TMEM260: variants seen among roughly 807,000 people sequenced by gnomAD.
TMEM260 encodes the protein transmembrane protein 260.
A neutral mutation model predicts 88.9 loss-of-function variants in TMEM260; 82 were observed. That is an observed-to-expected ratio of 0.92 (90% CI 0.77 to 1.11). The LOEUF is 1.11. TMEM260 is among the 50% of genes least tolerant of loss of function. The pLI, the probability that TMEM260 is intolerant of heterozygous loss-of-function variation, is 0.00. For missense variants in TMEM260, 902 were observed against 853.4 expected, an observed-to-expected ratio of 1.06 and a Z score of -0.71; for synonymous variants, 314 against 309.3, an observed-to-expected ratio of 1.02 and a Z score of -0.16.
chr14:56,630,042 G>GA (rs57944362), intron 12 of TMEM260, among the ~76,000 whole-genome samples: 7,877 of 133,038 alleles, frequency 0.059, 523 homozygotes, highest in African/African-American at 0.16. Context: ...CCCTATCTCA[G>GA]AAAAAAAAAA....
chr14:56,635,308 A>AT (rs927099698), intron 14 of TMEM260, among the ~76,000 whole-genome samples: 4 of 152,318 alleles, frequency 2.6e-5, no homozygotes, highest in East Asian at 1.9e-4. Flanking sequence ...GAAATTAATC[A>AT]TTACAACCTC....
chr14:56,634,089 T>TATCA (rs1310666974), intron 13 of TMEM260, among the ~76,000 whole-genome samples: 5 of 152,346 alleles, frequency 3.3e-5, no homozygotes, highest in African/African-American at 1.2e-4. Context: ...ATCCCCATTC[T>TATCA]ATCAAATATA....
At chr14:56,653,745 A>AAAAAAACAACAAC (rs1555343570), downstream of TMEM260, among the ~76,000 whole-genome samples, 36 of 137,448 alleles carry the variant, frequency 2.6e-4, no homozygotes, top group East Asian at 3.1e-3. Context: ...CCAAAACAAA[A>AAAAAAACAACAAC]AAAAAAAAAA....
intron 6 of TMEM260, among the ~76,000 whole-genome samples, chr14:56,610,070 A>G (rs1240540979): frequency 6.6e-6 from 1 of 152,180 alleles, no homozygotes; most frequent in Non-Finnish European, 1.5e-5. Flanking sequence ...GGGTACATAC[A>G]AAAGTAGTAG....
intron 3 of TMEM260, among the ~76,000 whole-genome samples, chr14:56,586,197 C>A (rs1476935677): frequency 6.6e-6 from 1 of 152,046 alleles, no homozygotes; most frequent in Non-Finnish European, 1.5e-5. Context: ...GCAGATGGGC[C>A]AGTTTAATTC....
intron 12 of TMEM260, among the ~76,000 whole-genome samples, chr14:56,627,638 G>C (rs1170572811): frequency 6.6e-6 from 1 of 151,684 alleles, no homozygotes; most frequent in African/African-American, 2.4e-5. Flanking sequence ...TTATTTAAAG[G>C]CATGTGATAG....
chr14:56,638,494 G>T (rs1463978431), intron 15 of TMEM260, among the ~76,000 whole-genome samples: 3 of 152,162 alleles, frequency 2.0e-5, no homozygotes, highest in African/African-American at 7.2e-5. Flanking sequence ...TCTATGGTCA[G>T]TTGTTTGTTA....
chr14:56,618,579 A>T lies in TMEM260; in HGVS notation c.1057-15A>T. 6.2e-7 allele frequency: 1 copy of T among 1,612,592 alleles called. No individual in the cohort carries two copies. Among genetic ancestry groups the T allele is most frequent in the Non-Finnish European group, 8.5e-7 (1 of 1,179,456 alleles). The stretch of plus-strand genomic sequence containing the variant: ...ATAGTCAACTGGACCCACTGGTTGC[A>T]TGTCTCTTTCACAGGTGGAACGATT... On this transcript the variant is annotated splice_polypyrimidine_tract_variant and intron_variant, in intron 9 of 15. Coordinates refer to ENST00000261556, the MANE Select transcript of TMEM260 (RefSeq NM_017799.4).
intron 5 of TMEM260, among the ~76,000 whole-genome samples, chr14:56,608,180 C>T (rs1594840136): frequency 6.6e-6 from 1 of 152,130 alleles, no homozygotes; most frequent in Non-Finnish European, 1.5e-5. Context: ...AAAATGCTAA[C>T]ATAAATCAAC....
chr14:56,591,326 TA>T (rs1287201756), intron 3 of TMEM260, among the ~76,000 whole-genome samples: 9 of 152,216 alleles, frequency 5.9e-5, no homozygotes, highest in Non-Finnish European at 7.4e-5. Flanking sequence ...ATACACTAAA[TA>T]ACTTTGCATA....
In TMEM260 at chr14:56,609,360, A is replaced by G. The variant is rs548756036; in HGVS notation, c.816+75A>G. The G allele has an allele frequency of 4.0e-5, 55 of 1,372,704 alleles. No individual in the cohort carries two copies. The African/African-American group carries it at 5.2e-4, about 13-fold the overall frequency. The allele number at this position is 1,372,704 out of a possible 1,614,324, so 85.0% of individuals were successfully genotyped here. A position where few individuals can be genotyped will look rare whatever the true frequency, so the allele number is the denominator to read the frequency against. ...GTGCTCTGCCTGGGCCTTGATTAAA[A>G]AAACAATATTTGTCAATGACAGTAG... is the stretch of plus-strand genomic sequence containing the variant. On this transcript the variant is annotated intron_variant, in intron 6 of 15. Transcript: ENST00000261556.
downstream of TMEM260, among the ~76,000 whole-genome samples, chr14:56,653,746 A>C (rs370097069): frequency 6.3e-4 from 54 of 85,958 alleles, no homozygotes; most frequent in African/African-American, 1.3e-3. Context: ...CAAAACAAAA[A>C]AAAAAAAAAC....
chr14:56,662,247 A>G, the TMEM260 span, among the ~76,000 whole-genome samples: 2 of 152,240 alleles, frequency 1.3e-5, no homozygotes, highest in African/African-American at 4.8e-5. Flanking sequence ...CTCCCGTGGT[A>G]TATAGGTCAT....
At chr14:56,629,328 T>C (rs956755992) in intron 12 of TMEM260, among the ~76,000 whole-genome samples, 4 of 151,540 alleles carry the variant, frequency 2.6e-5, no homozygotes, top group Non-Finnish European at 5.9e-5. Context: ...ATACTTAACT[T>C]TTCATGGTAT....
rs966646367 is a variant in TMEM260 at position 56,616,585 on chromosome 14, G to T, written c.941+558G>T. On this transcript the variant is annotated intron_variant, in intron 8 of 15. Transcript: ENST00000261556. ...AATAGAACATTCTATGACCACAGGA[G>T]AATTAATTTAACTGTTCTTCTATTG... is the stretch of plus-strand genomic sequence containing the variant. 8.6e-5 allele frequency among the ~76,000 whole-genome samples: 13 copies of T among 151,900 alleles called. No homozygotes were observed. The East Asian group carries it at 1.9e-3, about 22-fold the overall frequency.
intron 7 of TMEM260, 30 bp from the exon 8 acceptor site, chr14:56,615,914 G>A (rs771376696): frequency 1.9e-5 from 29 of 1,505,404 alleles, no homozygotes; most frequent in Non-Finnish European, 2.6e-5. Context: ...TTTGTTTCCT[G>A]CCAACAATAA....
Position 56,581,964 on chromosome 14 carries a change from G to A in TMEM260, c.160+1890G>A, listed in dbSNP as rs117721629. 5.4e-3 allele frequency among the ~76,000 whole-genome samples: 821 copies of A among 152,200 alleles called. 27 individuals carry two copies. Among genetic ancestry groups the A allele is most frequent in the Admixed American group, 0.046 (705 of 15,294 alleles). ...TTTTATTTTTTCCTAAAAGAATAAA[G>A]TTGTGTATTCACCTTGAGTTACCAA... On this transcript the variant is annotated intron_variant, in intron 1 of 15. Coordinates refer to ENST00000261556, the MANE Select transcript of TMEM260 (RefSeq NM_017799.4).
intron 9 of TMEM260, among the ~76,000 whole-genome samples, chr14:56,618,234 A>G (rs1160062908): frequency 2.6e-5 from 4 of 152,250 alleles, no homozygotes; most frequent in Non-Finnish European, 4.4e-5. Context: ...GTGAGGGGTC[A>G]GAGACAGGCC....
At chr14:56,632,899 G>A (rs1380651099) in intron 12 of TMEM260, 96 bp from the exon 13 acceptor site, 1 of 1,209,356 alleles carries the variant, frequency 8.3e-7, no homozygotes, top group African/African-American at 1.5e-5. Context: ...ATAACTGTTG[G>A]GAAAAAATCT....
Sources: allele counts gnomAD v4.1 joint callset (sites outside exome capture counted in the v4.1 genomes callset), GRCh38; gene constraint gnomAD v4.1.1; transcripts MANE v1.5; gene names NCBI Gene and HGNC (gene_info 2026-07-23, HGNC 2026-07-21).